EPB41L3: variants seen among roughly 807,000 people sequenced by gnomAD.
EPB41L3 encodes the protein band 4.1-like protein 3.
Under a neutral mutation model 127.1 loss-of-function variants are expected in EPB41L3, and 57 were observed. The observed-to-expected ratio is 0.45, with a 90% CI of 0.36 to 0.56. EPB41L3 has a LOEUF of 0.56. Among genes scored for constraint, EPB41L3 ranks in the 20% least tolerant of loss-of-function variants. EPB41L3 has a pLI of 0.00. For missense variants in EPB41L3, 1,273 were observed against 1,372.2 expected (o/e 0.93, Z 1.14); for synonymous variants, 572 against 549.5 (o/e 1.04, Z -0.57).
chr18:5,436,038 T>C (rs1477163621), intron 6 of EPB41L3, among the ~76,000 whole-genome samples: 1 of 152,216 alleles, frequency 6.6e-6, no homozygotes, highest in Non-Finnish European at 1.5e-5. Flanking sequence ...CATAAAAATA[T>C]GACCTACATA....
At chr18:5,417,078 T>C (rs938938886) in intron 12 of EPB41L3, among the ~76,000 whole-genome samples, 1 of 152,214 alleles carries the variant, frequency 6.6e-6, no homozygotes, top group Non-Finnish European at 1.5e-5. Flanking sequence ...AGGATATTAG[T>C]GGAACTTCAA....
At chr18:5,550,109 GT>G (rs2093943622) in intron 3 of EPB41L3, among the ~76,000 whole-genome samples, 1 of 152,136 alleles carries the variant, frequency 6.6e-6, no homozygotes, top group Non-Finnish European at 1.5e-5. Flanking sequence ...TAATTTCCAA[GT>G]TTTTACAAAG....
intron 3 of EPB41L3, among the ~76,000 whole-genome samples, chr18:5,553,706 G>C (rs551655221): frequency 5.3e-4 from 81 of 152,274 alleles, no homozygotes; most frequent in Middle Eastern, 3.4e-3. Flanking sequence ...ACCTGCCTCT[G>C]GCACCCTGGT....
intron 3 of EPB41L3, among the ~76,000 whole-genome samples, chr18:5,467,936 T>A (rs1203448960): frequency 1.3e-5 from 2 of 152,150 alleles, no homozygotes; most frequent in African/African-American, 2.4e-5. Context: ...GATTTGGGCA[T>A]CCCTGCACTC....
chr18:5,415,574 C>T (rs1002508669), intron 13 of EPB41L3, among the ~76,000 whole-genome samples: 1 of 152,202 alleles, frequency 6.6e-6, no homozygotes, highest in Admixed American at 6.5e-5. Context: ...TCTTTCATCC[C>T]ACGTAGAACT....
chr18:5,396,388 T>C, intron 18 of EPB41L3, 56 bp from the exon 19 acceptor site: 1 of 1,603,278 alleles, frequency 6.2e-7, no homozygotes, highest in Non-Finnish European at 8.5e-7. Context: ...AACACATTGT[T>C]TTCTTCCTTT....
intron 3 of EPB41L3, among the ~76,000 whole-genome samples, chr18:5,472,360 G>A (rs1229874626): frequency 4.6e-5 from 7 of 152,282 alleles, no homozygotes; most frequent in Non-Finnish European, 8.8e-5. Context: ...CAGAGTCCTA[G>A]AGGCATCATT....
At chr18:5,466,035 T>C (rs1477653905) in intron 3 of EPB41L3, among the ~76,000 whole-genome samples, 1 of 152,102 alleles carries the variant, frequency 6.6e-6, no homozygotes, top group East Asian at 1.9e-4. Flanking sequence ...GCAGAGCATT[T>C]TCCTCTCTAT....
chr18:5,459,285 A>G (rs1323236752), intron 3 of EPB41L3, among the ~76,000 whole-genome samples: 2 of 152,120 alleles, frequency 1.3e-5, no homozygotes, highest in Non-Finnish European at 2.9e-5. Context: ...ACCAACGAAT[A>G]TATAGCTCTG....
rs181887485 is a variant in EPB41L3 at position 5,434,032 on chromosome 18, G to T, written c.695C>A (p.Thr232Asn). ...ATAGTCTCCGAGCTCTGACTGGACA[G>T]TGTAGGAGCCCAGCAAGGCCAGGGT... is the stretch of plus-strand genomic sequence containing the variant. ...FVTLALLGSY[T>N]VQSELGDYDP... is the part of the protein sequence containing the mutation. Residue 232 changes from threonine to asparagine, a missense_variant, in exon 7 of 23, where the codon ACT becomes AAT. Coordinates refer to ENST00000341928, the MANE Select transcript of EPB41L3 (RefSeq NM_012307.5). 4 of 1,614,070 alleles carry T rather than the reference G, an allele frequency of 2.5e-6. No individual in the cohort carries two copies. The Admixed American group carries it at 5.0e-5, about 20-fold the overall frequency.
Position 5,543,775 on chromosome 18 carries a change from G to T in EPB41L3, c.-12+138C>A, listed in dbSNP as rs1343850405. The T allele has an allele frequency of 3.3e-5, 23 of 693,826 alleles. No individual in the cohort carries two copies. The highest frequency in any genetic ancestry group is 4.1e-5 in the Non-Finnish European group (23 of 564,590). The allele number at this position is 693,826 out of a possible 1,614,324, so 43.0% of individuals were successfully genotyped here. On this transcript the variant is annotated intron_variant, in intron 1 of 22. Transcript: ENST00000341928. The surrounding 1 kb of genome is among the most constrained non-coding windows in gnomAD (Gnocchi z 5.2). ...GCGCCGGGCGCGGGGCTCGGGATTC[G>T]GGAGACCGCGCGGCGCCGAAGCCAC...
chr18:5,438,201 C>T, intron 5 of EPB41L3, 91 bp from the exon 6 acceptor site: 1 of 1,158,996 alleles, frequency 8.6e-7, no homozygotes. Flanking sequence ...CAAGCATTAA[C>T]ACCCAGGCAA....
intron 1 of EPB41L3, among the ~76,000 whole-genome samples, chr18:5,614,781 A>G (rs1568650518): frequency 6.6e-6 from 1 of 152,254 alleles, no homozygotes; most frequent in Non-Finnish European, 1.5e-5. Context: ...CTTTAGTGTC[A>G]GCAAGATAAA....
At chr18:5,572,958 G>A (rs768270910) in intron 3 of EPB41L3, among the ~76,000 whole-genome samples, 10 of 152,144 alleles carry the variant, frequency 6.6e-5, no homozygotes, top group Non-Finnish European at 1.3e-4. Flanking sequence ...CTGGTATTTA[G>A]AGAGATGTTG....
chr18:5,625,542 T>G (rs1169903981), intron 1 of EPB41L3, among the ~76,000 whole-genome samples: 2 of 152,222 alleles, frequency 1.3e-5, no homozygotes, highest in African/African-American at 4.8e-5. Flanking sequence ...CAGTTTGAGA[T>G]GACTGGGGAA....
At chr18:5,463,101 T>C (rs530714146) in intron 3 of EPB41L3, among the ~76,000 whole-genome samples, 2 of 152,306 alleles carry the variant, frequency 1.3e-5, no homozygotes, top group African/African-American at 4.8e-5. Flanking sequence ...TAAAATCTAC[T>C]CTCTTCTCTC....
At chr18:5,489,295 G>A in intron 1 of EPB41L3, 101 bp from the exon 2 acceptor site, 1 of 1,372,406 alleles carries the variant, frequency 7.3e-7, no homozygotes, top group African/African-American at 1.5e-5. Context: ...GAGAACCACA[G>A]AGAGGGAGAT....
At position 5,397,018 on chromosome 18, in the gene EPB41L3, T is replaced by C; in HGVS notation, c.2841+40A>G. ...TAAATTTCCAGGCATCCTATATCAGTTTTATTTTAGTGATAAAAGTAACAT... is the reference window on the plus strand; with the variant it reads ...TAAATTTCCAGGCATCCTATATCAGCTTTATTTTAGTGATAAAAGTAACAT... On this transcript the variant is annotated intron_variant, in intron 18 of 22. Transcript: ENST00000341928. This position sits in a 1 kb window ranked among gnomAD's most constrained non-coding sequence, Gnocchi z 4.1. 1 of 1,512,088 alleles carries C rather than the reference T, an allele frequency of 6.6e-7. No individual in the cohort carries two copies. The highest frequency in any genetic ancestry group is 8.7e-7 in the Non-Finnish European group (1 of 1,146,732). 93.7% of individuals were successfully genotyped at this position (1,512,088 alleles called of 1,614,324 possible).
intron 1 of EPB41L3, among the ~76,000 whole-genome samples, chr18:5,520,178 G>A (rs1430774349): frequency 6.6e-6 from 1 of 152,050 alleles, no homozygotes; most frequent in African/African-American, 2.4e-5. Context: ...AATAAACTAG[G>A]TCACCAGATT....
Sources: gnomAD v4.1 joint callset for allele counts (sites outside exome capture counted in the v4.1 genomes callset) on GRCh38, gnomAD v4.1.1 for gene constraint, Gnocchi (gnomAD v3.1) non-coding constraint, MANE v1.5 for transcripts, NCBI Gene and HGNC (gene_info 2026-07-23, HGNC 2026-07-21) for gene names.